ACOT1: variants seen among roughly 807,000 people sequenced by gnomAD.
ACOT1 encodes the protein acyl-coenzyme A thioesterase 1.
A neutral mutation model predicts 15.7 loss-of-function variants in ACOT1; 8 were observed. That is an observed-to-expected ratio of 0.51 (90% CI 0.30 to 0.92). The LOEUF (loss-of-function observed/expected upper bound fraction) is 0.92. Ranked by LOEUF, ACOT1 falls within the 40% of genes least tolerant of loss-of-function variation. The pLI, the probability that ACOT1 is intolerant of heterozygous loss-of-function variation, is 0.06. For missense variants in ACOT1, 151 were observed against 539.4 expected, an observed-to-expected ratio of 0.28 and a Z score of 7.13; for synonymous variants, 67 against 241.2, an observed-to-expected ratio of 0.28 and a Z score of 6.69.
At chr14:73,532,695 T>C (rs140644523), upstream of ACOT1, among the ~76,000 whole-genome samples, 975 of 115,222 alleles carry the variant, frequency 8.5e-3, 230 homozygotes, top group African/African-American at 0.021. Context: ...TGGCTCACGC[T>C]CATAATCCTA....
the ACOT1 span, chr14:73,491,417 G>A: frequency 1.5e-6 from 2 of 1,349,198 alleles, no homozygotes; most frequent in Non-Finnish European, 1.9e-6. Flanking sequence ...GCGCCTGGTG[G>A]AGGTGCCCGC....
the ACOT1 span, chr14:73,492,334 A>G: frequency 6.2e-7 from 1 of 1,613,994 alleles, no homozygotes; most frequent in Middle Eastern, 1.6e-4. This position sits in a 1 kb window ranked among gnomAD's most constrained non-coding sequence, Gnocchi z 4.9. Context: ...TGCCTCTGGC[A>G]GTGCAGGCTG....
the ACOT1 span, among the ~76,000 whole-genome samples, chr14:73,511,560 T>TAAATAAATAAATAAATA: frequency 5.6e-5 from 5 of 88,966 alleles, no homozygotes; most frequent in Non-Finnish European, 1.3e-4. Context: ...AATAAATAAA[T>TAAATAAATAAATAAATA]AAATAAAATA....
At chr14:73,491,622 C>G in the ACOT1 span, 1 of 1,547,366 alleles carries the variant, frequency 6.5e-7, no homozygotes, top group Non-Finnish European at 8.7e-7. Context: ...CGGCGGCGAG[C>G]GGCCCGCCTC....
At chr14:73,514,163 C>T in the ACOT1 span, 8 of 1,614,212 alleles carry the variant, frequency 5.0e-6, no homozygotes, top group Non-Finnish European at 6.8e-6. Context: ...TTCTCACCCA[C>T]CTGCAGCAGC....
chr14:73,528,664 C>G, the ACOT1 span, among the ~76,000 whole-genome samples: 3 of 152,154 alleles, frequency 2.0e-5, no homozygotes, highest in African/African-American at 7.2e-5. Context: ...AAAATTGAGT[C>G]TGATACCTGT....
the ACOT1 span, among the ~76,000 whole-genome samples, chr14:73,514,493 C>T: frequency 1.3e-5 from 2 of 152,084 alleles, no homozygotes; most frequent in Admixed American, 1.3e-4. Flanking sequence ...TATCTACAAA[C>T]CTTTCTATAA....
the ACOT1 span, chr14:73,491,021 G>A: frequency 2.7e-6 from 4 of 1,505,698 alleles, no homozygotes; most frequent in East Asian, 5.1e-5. Flanking sequence ...TCTGGCCATG[G>A]ATGGGCTCCA....
the ACOT1 span, chr14:73,491,585 G>T: frequency 4.5e-6 from 7 of 1,544,594 alleles, no homozygotes; most frequent in African/African-American, 2.7e-5. Context: ...GCGCGTCTTG[G>T]CCGAGCTGAA....
the ACOT1 span, chr14:73,491,096 G>A: frequency 6.2e-7 from 1 of 1,601,164 alleles, no homozygotes; most frequent in Non-Finnish European, 8.5e-7. Flanking sequence ...GCCACACAGC[G>A]GGTCGGTCCT....
the ACOT1 span, among the ~76,000 whole-genome samples, chr14:73,497,767 C>T: frequency 6.6e-6 from 1 of 152,134 alleles, no homozygotes; most frequent in African/African-American, 2.4e-5. Flanking sequence ...GCTGGGATTA[C>T]AGGCATGTGC....
chr14:73,501,567 CTCTT>C, the ACOT1 span, among the ~76,000 whole-genome samples: 1 of 137,446 alleles, frequency 7.3e-6, no homozygotes, highest in South Asian at 2.3e-4. Flanking sequence ...CAGTCTCTCT[CTCTT>C]TTTTTTTTTT....
At chr14:73,505,682 C>T in the ACOT1 span, among the ~76,000 whole-genome samples, 23,658 of 151,744 alleles carry the variant, frequency 0.16, 2,240 homozygotes, top group East Asian at 0.3. Context: ...TGTGAGCCAC[C>T]GTGCCCGGCC....
At chr14:73,506,825 T>TTGTTTTTTTTTTTTTTTTTC in the ACOT1 span, among the ~76,000 whole-genome samples, 1 of 126,132 alleles carries the variant, frequency 7.9e-6, no homozygotes, top group South Asian at 2.4e-4. Context: ...TTTTTTTTTT[T>TTGTTTTTTTTTTTTTTTTTC]CTGAGAAGGT....
At chr14:73,521,930 C>T in the ACOT1 span, among the ~76,000 whole-genome samples, 2 of 152,242 alleles carry the variant, frequency 1.3e-5, no homozygotes, top group Non-Finnish European at 2.9e-5. Context: ...TGGTTCCCAG[C>T]TGGGAATGAC....
chr14:73,510,411 T>G, the ACOT1 span, among the ~76,000 whole-genome samples: 1 of 151,202 alleles, frequency 6.6e-6, no homozygotes, highest in East Asian at 1.9e-4. Context: ...CAGGCATCCC[T>G]GTTGGCTGGA....
chr14:73,500,803 C>A, the ACOT1 span: 8 of 1,412,812 alleles, frequency 5.7e-6, no homozygotes, highest in Non-Finnish European at 7.8e-6. Flanking sequence ...CCACTAATGC[C>A]CTCATGATAA....
chr14:73,496,491 G>A, the ACOT1 span: 1 of 677,014 alleles, frequency 1.5e-6, no homozygotes, highest in South Asian at 1.8e-5. Context: ...GTTTTAGAAA[G>A]TACTTCTATG....
chr14:73,514,563 C>T, the ACOT1 span, among the ~76,000 whole-genome samples: 527 of 152,186 alleles, frequency 3.5e-3, 3 homozygotes, highest in African/African-American at 0.012. Context: ...TTATATGTAA[C>T]GAGATTTGCT....
Sources: gnomAD v4.1 joint callset for allele counts (sites outside exome capture counted in the v4.1 genomes callset) on GRCh38, gnomAD v4.1.1 for gene constraint, Gnocchi (gnomAD v3.1) non-coding constraint, MANE v1.5 for transcripts, NCBI Gene and HGNC (gene_info 2026-07-23, HGNC 2026-07-21) for gene names.